DLG2: variants seen among roughly 807,000 people sequenced by gnomAD.
DLG2 encodes the protein disks large homolog 2.
Under a neutral mutation model 132.5 loss-of-function variants are expected in DLG2, and 45 were observed. The ratio of observed to expected loss-of-function variants is 0.34; its 90% CI spans 0.27 to 0.44. DLG2 has a LOEUF of 0.44. Among genes scored for constraint, DLG2 ranks in the 20% least tolerant of loss-of-function variants. The pLI, the probability that DLG2 is intolerant of heterozygous loss-of-function variation, is 1.00. For missense variants in DLG2, 1,045 were observed against 1,196.9 expected, an observed-to-expected ratio of 0.87 and a Z score of 1.87; for synonymous variants, 424 against 419.6, an observed-to-expected ratio of 1.01 and a Z score of -0.13.
intron 9 of DLG2, among the ~76,000 whole-genome samples, chr11:84,148,595 T>A (rs1024606275): frequency 6.6e-6 from 1 of 152,132 alleles, no homozygotes; most frequent in Non-Finnish European, 1.5e-5. Flanking sequence ...AATGTATGTA[T>A]ATTTTCTTTA....
At chr11:83,472,177 C>T (rs1360182092) in intron 23 of DLG2, among the ~76,000 whole-genome samples, 1 of 152,088 alleles carries the variant, frequency 6.6e-6, no homozygotes, top group Non-Finnish European at 1.5e-5. Flanking sequence ...ACTCTCTATA[C>T]TTTGCTACAG....
chr11:84,148,079 T>C (rs1316855869), intron 9 of DLG2, among the ~76,000 whole-genome samples: 1 of 152,232 alleles, frequency 6.6e-6, no homozygotes, highest in Non-Finnish European at 1.5e-5. Flanking sequence ...TGGCTGATTC[T>C]AGACTCTAAC....
chr11:85,412,047 T>C (rs1370241506), intron 3 of DLG2, among the ~76,000 whole-genome samples: 2 of 151,990 alleles, frequency 1.3e-5, no homozygotes, highest in Non-Finnish European at 1.5e-5. Flanking sequence ...ATTTGAGCTC[T>C]GATTAGTCTA....
intron 19 of DLG2, among the ~76,000 whole-genome samples, chr11:83,552,017 T>C (rs767251278): frequency 7.9e-5 from 12 of 152,178 alleles, no homozygotes; most frequent in Non-Finnish European, 1.5e-4. Context: ...ATTTACTGTA[T>C]GTCAGTGATG....
intron 7 of DLG2, among the ~76,000 whole-genome samples, chr11:84,371,046 C>G (rs1417098725): frequency 6.6e-6 from 1 of 151,966 alleles, no homozygotes; most frequent in African/African-American, 2.4e-5. Context: ...TCCAAAGGAC[C>G]AAAGTCTTTT....
At chr11:84,923,045 T>C in intron 6 of DLG2, 1 of 1,613,648 alleles carries the variant, frequency 6.2e-7, no homozygotes. Flanking sequence ...AACATGTATA[T>C]TGTGCCCAGT....
At chr11:84,362,375 T>A (rs1297673705) in intron 7 of DLG2, among the ~76,000 whole-genome samples, 1 of 152,050 alleles carries the variant, frequency 6.6e-6, no homozygotes, top group African/African-American at 2.4e-5. Flanking sequence ...AGAGTTGTTA[T>A]AACAGCTGCT....
At chr11:83,461,976 C>T (rs961729416) in intron 27 of DLG2, 26 bp downstream of exon 27, 1 of 1,474,986 alleles carries the variant, frequency 6.8e-7, no homozygotes, top group Non-Finnish European at 9.5e-7. Context: ...CCCTTTCTCA[C>T]ACTACCAGGG....
chr11:83,624,438 C>A (rs1349382211), intron 19 of DLG2, among the ~76,000 whole-genome samples: 1 of 152,218 alleles, frequency 6.6e-6, no homozygotes, highest in South Asian at 2.1e-4. Context: ...AAAGACAAAG[C>A]CTTTTATTCC....
intron 19 of DLG2, among the ~76,000 whole-genome samples, chr11:83,545,928 C>T (rs1223105382): frequency 3.9e-5 from 6 of 152,116 alleles, no homozygotes; most frequent in East Asian, 1.9e-4. Flanking sequence ...ATTTAACAAG[C>T]GATAAGCTGT....
intron 6 of DLG2, among the ~76,000 whole-genome samples, chr11:84,889,879 A>G (rs943057278): frequency 1.3e-5 from 2 of 152,202 alleles, no homozygotes; most frequent in Admixed American, 6.6e-5. Context: ...GCCAAGACAC[A>G]TGGCAGATGA....
intron 3 of DLG2, among the ~76,000 whole-genome samples, chr11:85,427,699 T>C (rs189490817): frequency 6.6e-6 from 1 of 152,310 alleles, no homozygotes; most frequent in African/African-American, 2.4e-5. Flanking sequence ...TCACCAATGC[T>C]AGGAAGAAAC....
chr11:83,482,379 C>T (rs1173005152), intron 22 of DLG2, among the ~76,000 whole-genome samples: 1 of 151,916 alleles, frequency 6.6e-6, no homozygotes, highest in East Asian at 1.9e-4. Flanking sequence ...GCAAAAGACA[C>T]AAAACTCTGT....
intron 8 of DLG2, among the ~76,000 whole-genome samples, chr11:84,214,600 A>G (rs79188469): frequency 0.021 from 3,229 of 152,202 alleles, 49 homozygotes; most frequent in Middle Eastern, 0.041. Context: ...ATTTAGCCAG[A>G]TTGCACTCTC....
chr11:84,820,248 G>T (rs2077524059), intron 6 of DLG2, among the ~76,000 whole-genome samples: 1 of 151,756 alleles, frequency 6.6e-6, no homozygotes, highest in Admixed American at 6.6e-5. Flanking sequence ...ATAAAGGCAT[G>T]GAGCAATACA....
At chr11:84,469,828 G>T (rs74673553) in intron 7 of DLG2, among the ~76,000 whole-genome samples, 2,389 of 151,758 alleles carry the variant, frequency 0.016, 75 homozygotes, top group African/African-American at 0.055. Context: ...ATGAAATAGA[G>T]TCATGGGTTG....
rs561637732 is a variant in DLG2 at position 84,796,643 on chromosome 11, T to G, written c.358-261912A>C. ...GAAGGTCTTTATTTCTCCTTCATGCTTGAAAGATATTTTTGCGGATAAACT... is the reference window on the plus strand; with the variant it reads ...GAAGGTCTTTATTTCTCCTTCATGCGTGAAAGATATTTTTGCGGATAAACT... On this transcript the variant is annotated intron_variant, in intron 6 of 27. Transcript: ENST00000376104. 4.0e-5 allele frequency among the ~76,000 whole-genome samples: 6 copies of G among 151,358 alleles called. No individual in the cohort carries two copies. The South Asian group carries it at 1.3e-3, about 32-fold the overall frequency.
chr11:84,627,617 T>C (rs981814492), intron 6 of DLG2, among the ~76,000 whole-genome samples: 1 of 152,238 alleles, frequency 6.6e-6, no homozygotes, highest in Admixed American at 6.5e-5. Flanking sequence ...ACATTAGCTA[T>C]GTAACTGTAT....
At chr11:84,941,018 T>C (rs2049350573) in intron 6 of DLG2, among the ~76,000 whole-genome samples, 1 of 152,212 alleles carries the variant, frequency 6.6e-6, no homozygotes, top group African/African-American at 2.4e-5. Context: ...GGTGCCTTTG[T>C]CAAGAATGAG....
Sources: allele counts gnomAD v4.1 joint callset (sites outside exome capture counted in the v4.1 genomes callset), GRCh38; gene constraint gnomAD v4.1.1; transcripts MANE v1.5; gene names NCBI Gene and HGNC (gene_info 2026-07-23, HGNC 2026-07-21).